Variants in UBASH3A observed in about 807,000 individuals in gnomAD.
UBASH3A encodes the protein ubiquitin-associated and SH3 domain-containing protein A.
In UBASH3A, 63 loss-of-function variants were observed where a neutral mutation model predicts 73.5. The observed-to-expected ratio is 0.86, with a 90% CI of 0.70 to 1.06. The LOEUF (loss-of-function observed/expected upper bound fraction) is 1.06. Among genes scored for constraint, UBASH3A ranks in the 50% least tolerant of loss-of-function variants. The pLI is 0.00. For missense variants in UBASH3A, 860 were observed against 859.0 expected, an observed-to-expected ratio of 1.00 and a Z score of -0.02; for synonymous variants, 363 against 351.1, an observed-to-expected ratio of 1.03 and a Z score of -0.38.
At chr21:42,443,885 A>G (rs1215350001) in intron 13 of UBASH3A, among the ~76,000 whole-genome samples, 2 of 149,672 alleles carry the variant, frequency 1.3e-5, no homozygotes, top group African/African-American at 4.9e-5. Context: ...GCAGGGTCAC[A>G]CAATCCACCC....
At chr21:42,415,331 T>C (rs1056806888) in intron 5 of UBASH3A, among the ~76,000 whole-genome samples, 18 of 152,006 alleles carry the variant, frequency 1.2e-4, no homozygotes, top group African/African-American at 4.4e-4. Flanking sequence ...CCCCACCACC[T>C]ACACACTCAT....
chr21:42,432,441 T>G (rs1190472755), intron 9 of UBASH3A, among the ~76,000 whole-genome samples: 1 of 134,678 alleles, frequency 7.4e-6, no homozygotes, highest in Non-Finnish European at 1.6e-5. Flanking sequence ...GATGTAATTT[T>G]TGGCTATGCT....
chr21:42,418,716 T>C, intron 7 of UBASH3A, 107 bp downstream of exon 7: 1 of 1,083,242 alleles, frequency 9.2e-7, no homozygotes, highest in East Asian at 2.6e-5. Flanking sequence ...ATTGGTAAAA[T>C]TGCATTCTGT....
chr21:42,440,642 C>T (rs1338842075), intron 11 of UBASH3A, among the ~76,000 whole-genome samples: 2 of 152,246 alleles, frequency 1.3e-5, no homozygotes, highest in East Asian at 3.8e-4. Flanking sequence ...TGGCCGCCCA[C>T]TAGCAGGCCG....
intron 6 of UBASH3A, among the ~76,000 whole-genome samples, chr21:42,418,073 G>A (rs1030576615): frequency 3.1e-4 from 47 of 151,772 alleles, no homozygotes; most frequent in Non-Finnish European, 2.1e-4. Context: ...CAGTAGAGAC[G>A]GGGTTTCACC....
intron 7 of UBASH3A, among the ~76,000 whole-genome samples, chr21:42,423,328 G>A (rs1367054152): frequency 6.6e-6 from 1 of 152,244 alleles, no homozygotes; most frequent in Non-Finnish European, 1.5e-5. Context: ...GGTGCCACAA[G>A]GGATTGTAGA....
At chr21:42,424,136 A>T (rs2053393024) in intron 7 of UBASH3A, among the ~76,000 whole-genome samples, 1 of 152,068 alleles carries the variant, frequency 6.6e-6, no homozygotes, top group East Asian at 1.9e-4. Flanking sequence ...AGCTGTGCAG[A>T]TGTTGAATAA....
chr21:42,416,527 G>A lies in UBASH3A; in HGVS notation c.753G>A (p.Gln251=), dbSNP rs1301236284. 6.2e-7 allele frequency: 1 copy of A among 1,611,460 alleles called. No individual in the cohort carries two copies. Among genetic ancestry groups the A allele is most frequent in the Admixed American group, 1.7e-5 (1 of 59,598 alleles). Reference sequence around the variant, plus strand: ...CCCACCACCAGAGGACGCTGGAGCAGCTGGCCAGAGCCATCCCCCTGGGCC... The same window carrying A: ...CCCACCACCAGAGGACGCTGGAGCAACTGGCCAGAGCCATCCCCCTGGGCC... ...FYPHHQRTLE[Q]LARAIPLGHS... The change falls in exon 6 of 15, where the codon CAG becomes CAA. Residue 251 remains glutamine (Q), a synonymous_variant. Coordinates refer to ENST00000319294, the MANE Select transcript of UBASH3A (RefSeq NM_018961.4).
Position 42,413,149 on chromosome 21 carries a change from C to G in UBASH3A, c.480C>G (p.Phe160Leu). 6.2e-7 allele frequency: 1 copy of G among 1,614,216 alleles called. No individual in the cohort carries two copies. ...CCTCCATCAGCTACCTCGGCTTCTT[C>G]GTCAGTGGCAGCCCCGCAGACGTCA... The part of the protein sequence containing the change: ...LHSSISYLGF[F>L]VSGSPADVIR... The change falls in exon 4 of 15, where the codon TTC becomes TTG. Residue 160 changes from phenylalanine to leucine, a missense_variant. Transcript: ENST00000319294. The surrounding 1 kb of genome is among the most constrained non-coding windows in gnomAD (Gnocchi z 4.5).
rs1235925364 is a variant in UBASH3A at position 42,416,625 on chromosome 21, G to C, written c.837+14G>C. On this transcript the variant is annotated intron_variant, in intron 6 of 14. Coordinates refer to ENST00000319294, the MANE Select transcript of UBASH3A (RefSeq NM_018961.4). Reference sequence around the variant, plus strand: ...GTGCACTACCAGGTGAGAGAGCTGAGCAGGGGCTCATAAGAAGCAGATGAA... The same window carrying C: ...GTGCACTACCAGGTGAGAGAGCTGACCAGGGGCTCATAAGAAGCAGATGAA... 1 of 1,536,884 alleles carries C rather than the reference G, an allele frequency of 6.5e-7. No homozygotes were observed. Among genetic ancestry groups the C allele is most frequent in the Admixed American group, 2.0e-5 (1 of 49,718 alleles).
chr21:42,404,253 T>A, intron 1 of UBASH3A, 195 bp downstream of exon 1: 1 of 372,314 alleles, frequency 2.7e-6, no homozygotes, highest in Non-Finnish European at 4.8e-6. Context: ...ACCAAGCTTG[T>A]CCAACCCACA....
chr21:42,425,741 G>A (rs1388561645), intron 7 of UBASH3A, among the ~76,000 whole-genome samples: 6 of 152,112 alleles, frequency 3.9e-5, no homozygotes, highest in Non-Finnish European at 8.8e-5. Flanking sequence ...GGCTCTGGAC[G>A]GGTCTCGGTG....
At chr21:42,405,279 G>A (rs758914438) in intron 1 of UBASH3A, among the ~76,000 whole-genome samples, 16 of 152,194 alleles carry the variant, frequency 1.1e-4, no homozygotes, top group African/African-American at 3.6e-4. Context: ...AGACAAGGCA[G>A]CTTTTGTCCA....
rs1184754657 is a variant in UBASH3A at position 42,437,572 on chromosome 21, T to C, written c.1478T>C (p.Ile493Thr). 6.2e-7 allele frequency: 1 copy of C among 1,614,142 alleles called. No homozygotes were observed. The highest frequency in any genetic ancestry group is 8.5e-7 in the Non-Finnish European group (1 of 1,179,984). ...ALRCVQTAKL[I>T]LEELKLEKKI... Reference sequence around the variant, plus strand: ...CGCTGTGTGCAGACGGCCAAACTCATCCTGGAAGGTCAGTGAGAACCTCGG... The same window carrying C: ...CGCTGTGTGCAGACGGCCAAACTCACCCTGGAAGGTCAGTGAGAACCTCGG... The change falls in exon 11 of 15, where the codon ATC (isoleucine) becomes ACC (threonine). Residue 493 changes from isoleucine (I) to threonine (T), a missense_variant. Coordinates refer to ENST00000319294, the MANE Select transcript of UBASH3A (RefSeq NM_018961.4).
At chr21:42,431,403 C>T (rs2053527410) in intron 8 of UBASH3A, among the ~76,000 whole-genome samples, 1 of 152,278 alleles carries the variant, frequency 6.6e-6, no homozygotes, top group Non-Finnish European at 1.5e-5. Context: ...CTGCGGCTGC[C>T]TGAGGCTGGG....
chr21:42,406,449 GAAGA>G, intron 2 of UBASH3A, 88 bp downstream of exon 2: 2 of 1,171,194 alleles, frequency 1.7e-6, no homozygotes, highest in South Asian at 2.5e-5. Flanking sequence ...CTGATACCAG[GAAGA>G]GCCGGGCGCC....
intron 7 of UBASH3A, among the ~76,000 whole-genome samples, chr21:42,426,290 T>C (rs2053433204): frequency 6.6e-6 from 1 of 152,222 alleles, no homozygotes. Flanking sequence ...CTTTCAGCTA[T>C]TTAAAAAGAT....
chr21:42,438,380 G>A, intron 11 of UBASH3A, among the ~76,000 whole-genome samples: 1 of 152,192 alleles, frequency 6.6e-6, no homozygotes, highest in East Asian at 1.9e-4. Flanking sequence ...AGTTTGGGGT[G>A]CGCCGAAGGA....
At chr21:42,443,256 C>T in intron 12 of UBASH3A, 56 bp from the exon 13 acceptor site, 5 of 1,539,222 alleles carry the variant, frequency 3.2e-6, no homozygotes, top group Non-Finnish European at 4.4e-6. Flanking sequence ...GCAGCTGAGC[C>T]TTCCTAATCC....
Sources: gnomAD v4.1 joint callset for allele counts (sites outside exome capture counted in the v4.1 genomes callset) on GRCh38, gnomAD v4.1.1 for gene constraint, Gnocchi (gnomAD v3.1) non-coding constraint, MANE v1.5 for transcripts, NCBI Gene and HGNC (gene_info 2026-07-23, HGNC 2026-07-21) for gene names.